The following ITCH variants were observed in gnomAD, a reference collection of about 807,000 sequenced individuals.
The protein encoded by ITCH is E3 ubiquitin-protein ligase Itchy homolog.
Under a neutral mutation model 126.8 loss-of-function variants are expected in ITCH, and 28 were observed. The observed-to-expected ratio is 0.22, with a 90% CI of 0.16 to 0.30. ITCH has a LOEUF of 0.30. Among genes scored for constraint, ITCH ranks in the 10% least tolerant of loss-of-function variants. The probability of loss-of-function intolerance (pLI) is 1.00; values close to 1 mark genes in which losing one functional copy is unlikely to be tolerated. For synonymous variants in ITCH, 342 were observed against 340.0 expected, an observed-to-expected ratio of 1.01 and a Z score of -0.06; for missense variants, 631 against 1,032.4, an observed-to-expected ratio of 0.61 and a Z score of 5.33.
intron 7 of ITCH, among the ~76,000 whole-genome samples, chr20:34,425,282 C>T (rs1193368460): frequency 6.6e-6 from 1 of 152,156 alleles, no homozygotes; most frequent in Non-Finnish European, 1.5e-5. Context: ...ACCACGGACA[C>T]AATGCACTGC....
Position 34,393,640 on chromosome 20 carries a change from G to C in ITCH, c.-21-151G>C, listed in dbSNP as rs2038564173. The stretch of plus-strand genomic sequence containing the variant: ...ATGTCAGATTTTGCCAATAAGTTAG[G>C]TAGGATAAAGACTAGAATTGAAAAT... On this transcript the variant is annotated intron_variant, in intron 2 of 24. Transcript: ENST00000374864. The C allele has an allele frequency of 7.4e-6, 5 of 675,622 alleles. No individual in the cohort carries two copies. The East Asian group carries it at 1.4e-4, about 18-fold the overall frequency. The allele number at this position is 675,622 out of a possible 1,614,324, so 41.9% of individuals were successfully genotyped here.
chr20:34,417,734 G>C (rs1980134604), intron 6 of ITCH, among the ~76,000 whole-genome samples: 1 of 118,778 alleles, frequency 8.4e-6, no homozygotes, highest in Non-Finnish European at 1.7e-5. Flanking sequence ...TTTAAAGGTT[G>C]ACTTATTCTT....
chr20:34,500,256 A>G (rs532514567), intron 23 of ITCH, among the ~76,000 whole-genome samples: 1 of 152,226 alleles, frequency 6.6e-6, no homozygotes, highest in Non-Finnish European at 1.5e-5. Flanking sequence ...TAGATGATCT[A>G]TCCAGTGCTA....
At chr20:34,440,370 T>C (rs1188383457) in intron 9 of ITCH, 26 bp downstream of exon 9, 2 of 1,547,466 alleles carry the variant, frequency 1.3e-6, no homozygotes, top group Admixed American at 1.7e-5. Context: ...AATTAACATA[T>C]GTTGTCTTTA....
intron 16 of ITCH, 125 bp downstream of exon 16, chr20:34,471,640 C>T (rs1265319166): frequency 2.8e-5 from 19 of 667,334 alleles, no homozygotes; most frequent in South Asian, 1.7e-4. Context: ...TTTTCAAGTG[C>T]GATCTCATTG....
chr20:34,449,215 T>G (rs1483670766), intron 11 of ITCH, among the ~76,000 whole-genome samples, 196 bp from the exon 12 acceptor site: 1 of 152,182 alleles, frequency 6.6e-6, no homozygotes, highest in Non-Finnish European at 1.5e-5. Context: ...TTTTAAATGT[T>G]AGGTAATGTT....
chr20:34,394,884 C>T (rs932957134), intron 3 of ITCH, among the ~76,000 whole-genome samples: 61 of 152,152 alleles, frequency 4.0e-4, no homozygotes, highest in African/African-American at 1.4e-3. Context: ...CTGTTTGGCC[C>T]ACAGAATAGA....
At chr20:34,456,184 GTATATATATATATATA>G (rs1326551793) in intron 12 of ITCH, among the ~76,000 whole-genome samples, 1 of 47,244 alleles carries the variant, frequency 2.1e-5, no homozygotes, top group Non-Finnish European at 3.3e-5. Context: ...GTGTGTGTGT[GTATATATATATATATA>G]TATATATATA....
At chr20:34,502,228 A>G (rs892137869) in intron 23 of ITCH, among the ~76,000 whole-genome samples, 2 of 152,110 alleles carry the variant, frequency 1.3e-5, no homozygotes, top group Non-Finnish European at 2.9e-5. Flanking sequence ...CTATGTAGTT[A>G]AATATGCTGC....
intron 16 of ITCH, chr20:34,476,099 T>A (rs1383404500): frequency 2.1e-6 from 2 of 946,672 alleles, no homozygotes; most frequent in Non-Finnish European, 3.5e-6. Flanking sequence ...GCATCTAACT[T>A]CTCATATATG....
At chr20:34,466,241 C>T (rs1987050471) in intron 14 of ITCH, 2 of 385,082 alleles carry the variant, frequency 5.2e-6, no homozygotes, top group South Asian at 2.0e-5. Context: ...TAGGTTGAAC[C>T]TTTTTTGCAT....
At chr20:34,368,441 AG>A (rs1225756905) in intron 1 of ITCH, among the ~76,000 whole-genome samples, 3 of 149,526 alleles carry the variant, frequency 2.0e-5, no homozygotes, top group Admixed American at 6.7e-5. Context: ...TTGTATTTAT[AG>A]TACTTAGCCA....
At position 34,368,274 on chromosome 20, in the gene ITCH, GAA is replaced by G. The variant is rs55954722; in HGVS notation, c.-98-1106_-98-1105del. Among the ~76,000 whole-genome samples, 347 of 142,776 alleles carry G rather than the reference GAA, an allele frequency of 2.4e-3. 3 individuals carry two copies. Among genetic ancestry groups the G allele is most frequent in the Middle Eastern group, 3.6e-3 (1 of 278 alleles). The allele number at this position is 142,776 out of a possible 152,430, so 93.7% of individuals were successfully genotyped here. On this transcript the variant is annotated intron_variant, in intron 1 of 24. Coordinates refer to ENST00000374864, the MANE Select transcript of ITCH (RefSeq NM_031483.7). ...ACAAGAATGAGACTCTGTCTCAAAA[GAA>G]AAAAAAAAAAAAATTCGTGTTAGTA...
chr20:34,485,384 T>C (rs1989031544), intron 20 of ITCH, among the ~76,000 whole-genome samples: 1 of 152,234 alleles, frequency 6.6e-6, no homozygotes, highest in Admixed American at 6.5e-5. Context: ...TTTGCAGTCC[T>C]ACTAGTAGTA....
chr20:34,419,639 C>T (rs1980478422), intron 6 of ITCH, among the ~76,000 whole-genome samples: 1 of 152,110 alleles, frequency 6.6e-6, no homozygotes, highest in Non-Finnish European at 1.5e-5. Context: ...CGACCACACT[C>T]AGCTAATTTT....
Position 34,489,386 on chromosome 20 carries a change from G to C in ITCH, c.2214G>C (p.Glu738Asp). 1 of 1,612,528 alleles carries C rather than the reference G, an allele frequency of 6.2e-7. No individual in the cohort carries two copies. Among genetic ancestry groups the C allele is most frequent in the Non-Finnish European group, 8.5e-7 (1 of 1,179,308 alleles). The part of the protein sequence containing the change: ...YLQYFDAKEL[E>D]VLLCGMQEID... ...AATACTTTGATGCAAAGGAATTAGA[G>C]GTAATGAATTTTCCTTCATTCCCCT... is the stretch of plus-strand genomic sequence containing the variant. Residue 738 changes from glutamate (E) to aspartate (D), a missense_variant and splice_region_variant, in exon 21 of 25, where the codon GAG becomes GAC. This residue lies in a region of ITCH where 390 missense variants were observed against 731.6 expected (regional missense o/e 0.53). Coordinates refer to ENST00000374864, the MANE Select transcript of ITCH (RefSeq NM_031483.7).
At chr20:34,453,649 G>A (rs1201150765) in intron 12 of ITCH, among the ~76,000 whole-genome samples, 1 of 151,908 alleles carries the variant, frequency 6.6e-6, no homozygotes, top group Non-Finnish European at 1.5e-5. Flanking sequence ...ATATACTTAG[G>A]GTATTATTTT....
chr20:34,486,799 A>G (rs1989155354), intron 20 of ITCH, among the ~76,000 whole-genome samples: 1 of 146,762 alleles, frequency 6.8e-6, no homozygotes, highest in Non-Finnish European at 1.5e-5. Context: ...CAGAAGTTCA[A>G]GCGATCCTCT....
At chr20:34,441,267 C>T (rs2146289759) in intron 9 of ITCH, among the ~76,000 whole-genome samples, 1 of 152,166 alleles carries the variant, frequency 6.6e-6, no homozygotes, top group South Asian at 2.1e-4. Flanking sequence ...AGCAAAACTC[C>T]ATCTTGGGGA....
Sources: allele counts gnomAD v4.1 joint callset (sites outside exome capture counted in the v4.1 genomes callset), GRCh38; gene constraint gnomAD v4.1.1; regional missense constraint gnomAD v4.1.1; transcripts MANE v1.5; gene names NCBI Gene and HGNC (gene_info 2026-07-23, HGNC 2026-07-21).